Variants in SLC24A2 observed in about 807,000 individuals in gnomAD.
SLC24A2 encodes sodium/potassium/calcium exchanger 2.
A neutral mutation model predicts 62.0 loss-of-function variants in SLC24A2; 36 were observed. The observed-to-expected ratio is 0.58, with a 90% CI of 0.44 to 0.77. The LOEUF is 0.77. Among genes scored for constraint, SLC24A2 ranks in the 30% least tolerant of loss-of-function variants. SLC24A2 has a pLI of 0.00. For synonymous variants in SLC24A2, 358 were observed against 294.0 expected, an observed-to-expected ratio of 1.22 and a Z score of -2.23; for missense variants, 846 against 817.9, an observed-to-expected ratio of 1.03 and a Z score of -0.42.
the SLC24A2 span, among the ~76,000 whole-genome samples, chr9:20,267,701 C>T: frequency 7.2e-5 from 11 of 152,102 alleles, no homozygotes; most frequent in Non-Finnish European, 1.3e-4. Context: ...TTGTACTTGG[C>T]GTATTGCAGG....
the SLC24A2 span, among the ~76,000 whole-genome samples, chr9:20,177,098 T>G: frequency 5.3e-5 from 8 of 152,144 alleles, no homozygotes; most frequent in Admixed American, 6.6e-5. Context: ...AAATATTAGA[T>G]TGGCTGACAT....
chr9:19,636,419 CCTCTTCTCTT>C (rs72514902), intron 2 of SLC24A2, among the ~76,000 whole-genome samples: 1 of 106,288 alleles, frequency 9.4e-6, no homozygotes, highest in African/African-American at 4.2e-5. Context: ...TTCTTTCTTT[CCTCTTCTCTT>C]CTCTTCTCTT....
chr9:19,615,212 G>A (rs1236457232), intron 4 of SLC24A2, among the ~76,000 whole-genome samples: 1 of 152,196 alleles, frequency 6.6e-6, no homozygotes, highest in Non-Finnish European at 1.5e-5. Flanking sequence ...CCTAGATGCT[G>A]CTTTCAAATG....
the SLC24A2 span, among the ~76,000 whole-genome samples, chr9:19,836,027 G>A: frequency 5.3e-5 from 8 of 152,188 alleles, no homozygotes; most frequent in Non-Finnish European, 7.4e-5. Context: ...TTTGAAACCA[G>A]CGAGAACAAA....
chr9:20,133,469 CTA>C, the SLC24A2 span, among the ~76,000 whole-genome samples: 2 of 152,198 alleles, frequency 1.3e-5, no homozygotes, highest in Admixed American at 1.3e-4. Flanking sequence ...GCTTATAAAA[CTA>C]TATTCTCACT....
At chr9:19,973,356 T>C in the SLC24A2 span, among the ~76,000 whole-genome samples, 1 of 152,208 alleles carries the variant, frequency 6.6e-6, no homozygotes, top group Non-Finnish European at 1.5e-5. Context: ...AAGAAACACA[T>C]AAAATTCTCA....
the SLC24A2 span, among the ~76,000 whole-genome samples, chr9:19,818,169 C>A: frequency 6.4e-4 from 97 of 152,196 alleles, no homozygotes; most frequent in African/African-American, 2.0e-3. Context: ...GAGTCTCCGG[C>A]CTTGTTTTCC....
the SLC24A2 span, among the ~76,000 whole-genome samples, chr9:20,189,092 T>TCC: frequency 1.9e-4 from 27 of 142,872 alleles, no homozygotes; most frequent in East Asian, 1.6e-3. Context: ...TTTTTTTTTT[T>TCC]CCCAGTTGAT....
chr9:20,297,382 G>A, the SLC24A2 span, among the ~76,000 whole-genome samples: 1 of 152,200 alleles, frequency 6.6e-6, no homozygotes, highest in Non-Finnish European at 1.5e-5. Flanking sequence ...AGGGGTCAGG[G>A]TGAGGTGGCC....
chr9:20,276,187 C>A, the SLC24A2 span, among the ~76,000 whole-genome samples: 4 of 152,180 alleles, frequency 2.6e-5, no homozygotes, highest in Admixed American at 2.6e-4. Context: ...CAAGCTAAGT[C>A]GCTTCTGCCT....
the SLC24A2 span, among the ~76,000 whole-genome samples, chr9:20,096,801 A>AT: frequency 6.6e-6 from 1 of 151,594 alleles, no homozygotes; most frequent in African/African-American, 2.4e-5. Context: ...TTCTTTACAA[A>AT]TTTTTTTGTT....
chr9:20,105,502 C>A, the SLC24A2 span, among the ~76,000 whole-genome samples: 1 of 151,990 alleles, frequency 6.6e-6, no homozygotes, highest in African/African-American at 2.4e-5. Flanking sequence ...AACTGTCTCT[C>A]AGACCACAGT....
chr9:19,734,829 C>T (rs1821455506), intron 2 of SLC24A2, among the ~76,000 whole-genome samples: 2 of 152,072 alleles, frequency 1.3e-5, no homozygotes, highest in African/African-American at 2.4e-5. Flanking sequence ...GAAACTGGAT[C>T]CCTTCCTTAC....
chr9:19,921,082 G>GA, the SLC24A2 span, among the ~76,000 whole-genome samples: 2 of 149,104 alleles, frequency 1.3e-5, no homozygotes, highest in South Asian at 2.3e-4. Context: ...TTATTATGGG[G>GA]GGGGGGTGTT....
chr9:20,094,267 A>G, the SLC24A2 span, among the ~76,000 whole-genome samples: 1 of 152,228 alleles, frequency 6.6e-6, no homozygotes, highest in African/African-American at 2.4e-5. Context: ...TTGAGTTGCA[A>G]GCTAAAGTAA....
the SLC24A2 span, among the ~76,000 whole-genome samples, chr9:19,922,502 T>A: frequency 1.3e-4 from 20 of 152,334 alleles, no homozygotes; most frequent in South Asian, 4.1e-3. Flanking sequence ...TTACCTTCCA[T>A]GGGATTATCC....
chr9:19,920,426 A>T, the SLC24A2 span, among the ~76,000 whole-genome samples: 2 of 152,300 alleles, frequency 1.3e-5, 1 homozygote, highest in Non-Finnish European at 2.9e-5. Context: ...AGTCCCCCAG[A>T]TGTAGACCCT....
chr9:20,086,009 C>T, the SLC24A2 span, among the ~76,000 whole-genome samples: 1 of 152,142 alleles, frequency 6.6e-6, no homozygotes, highest in Non-Finnish European at 1.5e-5. Flanking sequence ...GATCCATGCT[C>T]CCTGCAAATT....
chr9:20,012,795 C>T, the SLC24A2 span, among the ~76,000 whole-genome samples: 1 of 151,512 alleles, frequency 6.6e-6, no homozygotes. Context: ...ACTTTATTTC[C>T]ATTTACAATA....
Sources: allele counts gnomAD v4.1 joint callset (sites outside exome capture counted in the v4.1 genomes callset), GRCh38; gene constraint gnomAD v4.1.1; transcripts MANE v1.5; gene names NCBI Gene and HGNC (gene_info 2026-07-23, HGNC 2026-07-21).